Variants in EEF1AKMT1 observed in about 807,000 individuals in gnomAD.
EEF1AKMT1 encodes N-6 adenine-specific DNA methyltransferase 2 (putative).
Under a neutral mutation model 21.0 loss-of-function variants are expected in EEF1AKMT1, and 18 were observed. The ratio of observed to expected loss-of-function variants is 0.86; its 90% CI spans 0.59 to 1.27. EEF1AKMT1 has a LOEUF of 1.27. Ranked by LOEUF, EEF1AKMT1 falls within the 50% of genes most tolerant of loss-of-function variation. The pLI is 0.00. For missense variants in EEF1AKMT1, 246 were observed against 258.6 expected (o/e 0.95, Z 0.33); for synonymous variants, 109 against 94.8 (o/e 1.15, Z -0.87).
intron 1 of EEF1AKMT1, among the ~76,000 whole-genome samples, chr13:20,772,314 C>T (rs1411198845): frequency 6.6e-6 from 1 of 152,040 alleles, no homozygotes; most frequent in Admixed American, 6.6e-5. Context: ...GACCTTGGAC[C>T]TTATGTGGCT....
At chr13:20,756,923 A>G (rs573005362) in intron 2 of EEF1AKMT1, among the ~76,000 whole-genome samples, 4 of 152,124 alleles carry the variant, frequency 2.6e-5, no homozygotes, top group Non-Finnish European at 5.9e-5. Flanking sequence ...TGGGGTAACC[A>G]TCCCCTAAAC....
intron 2 of EEF1AKMT1, among the ~76,000 whole-genome samples, chr13:20,739,450 T>C (rs1434966253): frequency 6.6e-6 from 1 of 152,220 alleles, no homozygotes; most frequent in Non-Finnish European, 1.5e-5. Flanking sequence ...TGGTCTGTTT[T>C]ACAGAGAGCT....
intron 1 of EEF1AKMT1, chr13:20,769,022 T>C (rs1253073057): frequency 1.3e-5 from 2 of 151,780 alleles, no homozygotes; most frequent in Non-Finnish European, 2.9e-5. Context: ...GCTAAGTCAG[T>C]GGGATGGATC....
intron 2 of EEF1AKMT1, among the ~76,000 whole-genome samples, chr13:20,739,364 A>G (rs930494909): frequency 5.3e-5 from 8 of 152,286 alleles, no homozygotes; most frequent in Middle Eastern, 6.8e-3. Flanking sequence ...GCCGCTAAGC[A>G]GGGGCAGCCT....
intron 1 of EEF1AKMT1, among the ~76,000 whole-genome samples, chr13:20,772,186 T>A (rs1268507825): frequency 6.6e-6 from 1 of 152,150 alleles, no homozygotes; most frequent in African/African-American, 2.4e-5. Flanking sequence ...TTCTGGCTAC[T>A]CTGGGCACAC....
At chr13:20,736,644 A>T (rs1301863731) in intron 3 of EEF1AKMT1, among the ~76,000 whole-genome samples, 1 of 151,832 alleles carries the variant, frequency 6.6e-6, no homozygotes, top group Non-Finnish European at 1.5e-5. Context: ...ATATGTTTGA[A>T]CTTACTGATA....
At chr13:20,754,786 GC>G (rs1358328911) in intron 2 of EEF1AKMT1, among the ~76,000 whole-genome samples, 1 of 150,438 alleles carries the variant, frequency 6.6e-6, no homozygotes, top group Non-Finnish European at 1.5e-5. Flanking sequence ...AGTGGCACAT[GC>G]CTGTAGGCAC....
intron 2 of EEF1AKMT1, among the ~76,000 whole-genome samples, chr13:20,754,764 A>T (rs1340015443): frequency 1.5e-5 from 2 of 132,232 alleles, no homozygotes; most frequent in African/African-American, 5.5e-5. Flanking sequence ...AAAAAAAAAA[A>T]TCACTAGGTG....
chr13:20,729,820 G>A (rs2058781785), intron 4 of EEF1AKMT1, among the ~76,000 whole-genome samples: 2 of 152,142 alleles, frequency 1.3e-5, no homozygotes, highest in Non-Finnish European at 2.9e-5. Flanking sequence ...TGACGCCCCT[G>A]CCCTGCCCTC....
Position 20,765,037 on chromosome 13 carries a change from G to C in EEF1AKMT1, c.-19-7420C>G, listed in dbSNP as rs1006019150. On this transcript the variant is annotated intron_variant, in intron 1 of 4. Coordinates refer to ENST00000382758, the MANE Select transcript of EEF1AKMT1 (RefSeq NM_001318939.2). ...AGCACTTTGAGAGGCTGAGGCGGGT[G>C]GATCACGAGGTCAGGAGTTTGAGAC... Among the ~76,000 whole-genome samples the C allele has an allele frequency of 8.1e-4, 123 of 151,984 alleles. 1 individual carries two copies. The highest frequency in any genetic ancestry group is 2.7e-3 in the African/African-American group (114 of 41,462).
chr13:20,760,609 G>A (rs562501404), intron 1 of EEF1AKMT1, among the ~76,000 whole-genome samples: 1 of 152,210 alleles, frequency 6.6e-6, no homozygotes, highest in South Asian at 2.1e-4. Context: ...AATATTGGGT[G>A]ATGGGTTCAC....
chr13:20,739,311 A>G (rs1566529735), intron 2 of EEF1AKMT1, among the ~76,000 whole-genome samples: 1 of 152,186 alleles, frequency 6.6e-6, no homozygotes, highest in African/African-American at 2.4e-5. Context: ...GGAGCAAAAG[A>G]ACAAACCTTC....
intron 2 of EEF1AKMT1, among the ~76,000 whole-genome samples, chr13:20,752,041 C>G (rs978796480): frequency 6.6e-6 from 1 of 151,958 alleles, no homozygotes; most frequent in Non-Finnish European, 1.5e-5. Flanking sequence ...AAGTTTTTTC[C>G]TGGAGTCTTT....
rs764164398 is a variant in EEF1AKMT1 at position 20,731,822 on chromosome 13, T to C, written c.508+19A>G. On this transcript the variant is annotated intron_variant, in intron 4 of 4. Coordinates refer to ENST00000382758, the MANE Select transcript of EEF1AKMT1 (RefSeq NM_001318939.2). ...GCCACTGTCAGTGACTTTGATGAGA[T>C]ATGAAATGCAGCACCTACCTGTGCA... The C allele has an allele frequency of 6.3e-7, 1 of 1,599,418 alleles. No individual in the cohort carries two copies.
Position 20,757,408 on chromosome 13 carries a change from G to C in EEF1AKMT1, c.144+47C>G, listed in dbSNP as rs112614765. On this transcript the variant is annotated intron_variant, in intron 2 of 4. Coordinates refer to ENST00000382758, the MANE Select transcript of EEF1AKMT1 (RefSeq NM_001318939.2). Reference sequence around the variant, plus strand: ...AAACACTGGACTAATGCACAGAGTAGGTTCCACATCAATACTTCCTGATGG... The same window carrying C: ...AAACACTGGACTAATGCACAGAGTACGTTCCACATCAATACTTCCTGATGG... 2.2e-5 allele frequency: 36 copies of C among 1,604,894 alleles called. No homozygotes were observed. The African/African-American group carries it at 2.8e-4, about 13-fold the overall frequency.
chr13:20,741,720 C>T (rs2058872688), intron 2 of EEF1AKMT1, among the ~76,000 whole-genome samples: 1 of 152,080 alleles, frequency 6.6e-6, no homozygotes, highest in African/African-American at 2.4e-5. Flanking sequence ...TCCCAAAGTG[C>T]TGGGATTACA....
intron 2 of EEF1AKMT1, among the ~76,000 whole-genome samples, chr13:20,755,794 A>G (rs916237822): frequency 3.9e-5 from 6 of 152,234 alleles, no homozygotes; most frequent in African/African-American, 1.4e-4. Context: ...TAATCAAACC[A>G]AAGTTTCAAA....
In EEF1AKMT1 at chr13:20,750,102, GGATACATGT is replaced by G. The variant is rs534021191; in HGVS notation, c.144+7344_144+7352del. Among the ~76,000 whole-genome samples, 10 of 152,128 alleles carry G rather than the reference GGATACATGT, an allele frequency of 6.6e-5. No individual in the cohort carries two copies. In the East Asian group the frequency reaches 1.9e-3, roughly 29 times the overall value. On this transcript the variant is annotated intron_variant, in intron 2 of 4. Coordinates refer to ENST00000382758, the MANE Select transcript of EEF1AKMT1 (RefSeq NM_001318939.2). ...TCTTTCCTATTTGTACATATTTATG[GGATACATGT>G]GATATTTTGTTACATGCACAGAATG... is the stretch of plus-strand genomic sequence containing the variant.
chr13:20,739,310 G>A (rs558363053), intron 2 of EEF1AKMT1, among the ~76,000 whole-genome samples: 2 of 152,196 alleles, frequency 1.3e-5, no homozygotes, highest in African/African-American at 2.4e-5. Flanking sequence ...AGGAGCAAAA[G>A]AACAAACCTT....
Sources: gnomAD v4.1 joint callset for allele counts (sites outside exome capture counted in the v4.1 genomes callset) on GRCh38, gnomAD v4.1.1 for gene constraint, MANE v1.5 for transcripts, NCBI Gene and HGNC (gene_info 2026-07-23, HGNC 2026-07-21) for gene names.